TCF12: variants seen among roughly 807,000 people sequenced by gnomAD.
TCF12 encodes the protein DNA-binding protein HTF4.
In TCF12, 45 loss-of-function variants were observed where a neutral mutation model predicts 86.0. That is an observed-to-expected ratio of 0.52 (90% CI 0.41 to 0.67). The LOEUF (loss-of-function observed/expected upper bound fraction) is 0.67. Among genes scored for constraint, TCF12 ranks in the 30% least tolerant of loss-of-function variants. The pLI is 0.00. For synonymous variants in TCF12, 330 were observed against 299.6 expected, an observed-to-expected ratio of 1.10 and a Z score of -1.05; for missense variants, 881 against 859.9, an observed-to-expected ratio of 1.02 and a Z score of -0.31.
At chr15:56,970,997 TGTTTGTGCCACTGCACTCCA>T (rs1309056830) in intron 3 of TCF12, among the ~76,000 whole-genome samples, 9 of 152,010 alleles carry the variant, frequency 5.9e-5, no homozygotes, top group African/African-American at 2.2e-4. Flanking sequence ...GAGGCTGTAG[TGTTTGTGCCACTGCACTCCA>T]GTCTGGGCGA....
intron 4 of TCF12, among the ~76,000 whole-genome samples, chr15:57,068,937 A>T (rs1441746551): frequency 6.6e-6 from 1 of 152,170 alleles, no homozygotes; most frequent in Non-Finnish European, 1.5e-5. Context: ...AACTGCTATT[A>T]TATTGTTATT....
At chr15:56,931,562 C>T (rs954688298) in intron 3 of TCF12, among the ~76,000 whole-genome samples, 7 of 152,178 alleles carry the variant, frequency 4.6e-5, no homozygotes, top group African/African-American at 1.2e-4. Context: ...AGCCAAGATA[C>T]TTTGCTGTAG....
chr15:57,167,732 G>C lies in TCF12; in HGVS notation c.390+1266G>C, dbSNP rs544365585. Among the ~76,000 whole-genome samples the C allele has an allele frequency of 9.9e-4, 150 of 152,246 alleles. 3 individuals are homozygous for C. The highest frequency in any genetic ancestry group is 8.5e-3 in the South Asian group (41 of 4,822). ...GTGATTTGTTAAATATCATAGATTT[G>C]GGGGTAGTTACTGGACCAACACTCA... On this transcript the variant is annotated intron_variant, in intron 6 of 20. Coordinates refer to ENST00000333725, the MANE Select transcript of TCF12 (RefSeq NM_207037.2).
chr15:57,018,248 A>G (rs138844024), intron 3 of TCF12, among the ~76,000 whole-genome samples: 8 of 152,282 alleles, frequency 5.3e-5, no homozygotes, highest in Admixed American at 3.9e-4. Flanking sequence ...GACTGATACA[A>G]AGTTGTTAGG....
chr15:57,223,420 G>A (rs1003885742), intron 8 of TCF12, among the ~76,000 whole-genome samples: 1 of 151,960 alleles, frequency 6.6e-6, no homozygotes, highest in African/African-American at 2.4e-5. Context: ...ACGTAACTGG[G>A]AAAAGCACAA....
intron 3 of TCF12, among the ~76,000 whole-genome samples, chr15:56,998,204 C>T (rs567171494): frequency 6.6e-6 from 1 of 152,268 alleles, no homozygotes; most frequent in East Asian, 1.9e-4. Flanking sequence ...TGCCTGTAAT[C>T]CCAGCACTTT....
intron 4 of TCF12, among the ~76,000 whole-genome samples, chr15:57,087,108 T>G (rs1483969639): frequency 6.7e-6 from 1 of 149,246 alleles, no homozygotes; most frequent in Non-Finnish European, 1.5e-5. Context: ...TCTCTCTCCC[T>G]CTCCCTCTCC....
chr15:57,145,401 A>C (rs1049573222), intron 5 of TCF12, among the ~76,000 whole-genome samples: 18 of 152,186 alleles, frequency 1.2e-4, no homozygotes, highest in Admixed American at 2.0e-4. Context: ...CATTTATAAA[A>C]TGGGAATAAT....
chr15:57,037,296 C>T (rs2066562554), intron 3 of TCF12, among the ~76,000 whole-genome samples: 1 of 152,000 alleles, frequency 6.6e-6, no homozygotes, highest in Non-Finnish European at 1.5e-5. Context: ...TAAAAATTAG[C>T]TGGGTGTGGT....
intron 6 of TCF12, among the ~76,000 whole-genome samples, chr15:57,178,563 G>A (rs2056119630): frequency 6.6e-6 from 1 of 152,158 alleles, no homozygotes; most frequent in African/African-American, 2.4e-5. Context: ...GAATACCAAA[G>A]AGAAATAAGA....
chr15:57,022,309 CAT>C (rs1167911146), intron 3 of TCF12, among the ~76,000 whole-genome samples: 1 of 151,928 alleles, frequency 6.6e-6, no homozygotes, highest in African/African-American at 2.4e-5. Flanking sequence ...TGAGTGAGAA[CAT>C]GTGGTGTTTG....
At chr15:56,956,399 C>T (rs1160235767) in intron 3 of TCF12, among the ~76,000 whole-genome samples, 6 of 151,660 alleles carry the variant, frequency 4.0e-5, no homozygotes, top group African/African-American at 1.5e-4. Flanking sequence ...TAATGATTTG[C>T]AGTATTCAGT....
rs1203901971 is a variant in TCF12, at chr15:56,926,710, ACTACAG to A, written c.148+5613_148+5618del. 7.9e-5 allele frequency among the ~76,000 whole-genome samples: 12 copies of A among 152,226 alleles called. 1 individual carries two copies. ...TTTACATATTATTATCTGGAGCTGG[ACTACAG>A]GTGTTCAGATCCAGAAATTACCAGT... On this transcript the variant is annotated intron_variant, in intron 3 of 20. Coordinates refer to ENST00000333725, the MANE Select transcript of TCF12 (RefSeq NM_207037.2).
chr15:57,166,218 A>G (rs1159956624), intron 5 of TCF12, among the ~76,000 whole-genome samples, 184 bp from the exon 6 acceptor site: 4 of 152,218 alleles, frequency 2.6e-5, no homozygotes, highest in Admixed American at 1.3e-4. Flanking sequence ...CATCCTGCCC[A>G]GAATTTGACT....
chr15:57,276,593 A>G (rs968221175), intron 19 of TCF12, among the ~76,000 whole-genome samples: 4 of 152,216 alleles, frequency 2.6e-5, no homozygotes, highest in Admixed American at 6.5e-5. Flanking sequence ...GTTAAAATAC[A>G]TAATCATGAA....
intron 3 of TCF12, among the ~76,000 whole-genome samples, chr15:57,026,460 A>C (rs1256392080): frequency 1.3e-5 from 2 of 152,200 alleles, no homozygotes; most frequent in Non-Finnish European, 2.9e-5. Context: ...GGACTCTTGT[A>C]GAAGAGAGGA....
chr15:56,982,242 C>G (rs1177521961), intron 3 of TCF12, among the ~76,000 whole-genome samples: 1 of 152,124 alleles, frequency 6.6e-6, no homozygotes, highest in Non-Finnish European at 1.5e-5. Flanking sequence ...TAAAGAGTGA[C>G]TGTGATGAAT....
intron 3 of TCF12, among the ~76,000 whole-genome samples, chr15:56,933,471 A>C (rs368459468): frequency 5.3e-5 from 8 of 152,174 alleles, no homozygotes; most frequent in African/African-American, 1.9e-4. Context: ...AAATAAAGAT[A>C]CATTGTGGTA....
intron 3 of TCF12, among the ~76,000 whole-genome samples, chr15:56,963,706 A>T (rs1045350413): frequency 6.6e-6 from 1 of 152,190 alleles, no homozygotes; most frequent in Admixed American, 6.5e-5. Context: ...TTTTGGATGC[A>T]CCTACTTATT....
Sources: gnomAD v4.1 joint callset for allele counts (sites outside exome capture counted in the v4.1 genomes callset) on GRCh38, gnomAD v4.1.1 for gene constraint, MANE v1.5 for transcripts, NCBI Gene and HGNC (gene_info 2026-07-23, HGNC 2026-07-21) for gene names.